Variants in DNAH12 observed in about 807,000 individuals in gnomAD.
DNAH12 encodes the protein axonemal beta dynein heavy chain 12.
DNAH12 carries 285 observed loss-of-function variants against 371.5 expected under a neutral mutation model. The ratio of observed to expected loss-of-function variants is 0.77; its 90% CI spans 0.70 to 0.85. DNAH12 has a LOEUF of 0.85. Ranked by LOEUF, DNAH12 falls within the 40% of genes least tolerant of loss-of-function variation. The pLI is 0.00. For synonymous variants in DNAH12, 1,200 were observed against 1,213.0 expected (o/e 0.99, Z 0.22); for missense variants, 3,611 against 3,689.4 (o/e 0.98, Z 0.55).
At chr3:57,401,347 C>T (rs1161209233) in intron 43 of DNAH12, among the ~76,000 whole-genome samples, 2 of 147,620 alleles carry the variant, frequency 1.4e-5, no homozygotes, top group Non-Finnish European at 3.0e-5. Flanking sequence ...CTCAGGAATT[C>T]GAGACCAGCC....
intron 36 of DNAH12, among the ~76,000 whole-genome samples, chr3:57,419,722 C>T (rs2218628): frequency 0.23 from 35,570 of 151,952 alleles, 4,817 homozygotes; most frequent in South Asian, 0.44. Context: ...CATGAAAACA[C>T]CAATTTAAAA....
At chr3:57,410,929 A>G (rs1370201019) in intron 39 of DNAH12, among the ~76,000 whole-genome samples, 7 of 152,166 alleles carry the variant, frequency 4.6e-5, no homozygotes, top group African/African-American at 1.7e-4. Context: ...ACTTAATGGT[A>G]AGAATCTCCA....
At chr3:57,467,154 A>G in intron 17 of DNAH12, among the ~76,000 whole-genome samples, 1 of 151,764 alleles carries the variant, frequency 6.6e-6, no homozygotes, top group Admixed American at 6.6e-5. Context: ...GTCTCGCTCT[A>G]TTGCCCAGAC....
In DNAH12 at chr3:57,295,513, G is replaced by A. The variant is rs182586789; in HGVS notation, c.11692+12C>T. On this transcript the variant is annotated intron_variant, in intron 73 of 73. Coordinates refer to ENST00000495027, the MANE Select transcript of DNAH12 (RefSeq NM_001366028.2). ...CTAAACTTCAAATAAATTTTGTTGAGAGAATATTTACTTGGTTTTATCCAT... is the reference window on the plus strand; with the variant it reads ...CTAAACTTCAAATAAATTTTGTTGAAAGAATATTTACTTGGTTTTATCCAT... 5.2e-6 allele frequency: 8 copies of A among 1,543,952 alleles called. No individual in the cohort carries two copies.
intron 24 of DNAH12, 57 bp from the exon 25 acceptor site, chr3:57,453,072 A>G: frequency 6.7e-7 from 1 of 1,493,712 alleles, no homozygotes; most frequent in South Asian, 1.3e-5. Context: ...TAATTTTAAA[A>G]AGAAGTATTT....
chr3:57,453,501 T>A, intron 23 of DNAH12, 98 bp from the exon 24 acceptor site: 1 of 1,091,996 alleles, frequency 9.2e-7, no homozygotes, highest in Non-Finnish European at 1.2e-6. Flanking sequence ...TCTGACTTCT[T>A]AATCTATCTC....
intron 41 of DNAH12, among the ~76,000 whole-genome samples, chr3:57,405,405 G>T (rs906487428): frequency 6.6e-6 from 1 of 152,084 alleles, no homozygotes; most frequent in Non-Finnish European, 1.5e-5. Flanking sequence ...CTAAGTGATG[G>T]TCATCATGTT....
chr3:57,444,916 CT>C, intron 28 of DNAH12, 100 bp from the exon 29 acceptor site: 1 of 1,413,430 alleles, frequency 7.1e-7, no homozygotes, highest in African/African-American at 1.5e-5. Flanking sequence ...CCCCACCCCC[CT>C]GGCTAAAAGT....
chr3:57,311,233 G>A (rs777738573), intron 66 of DNAH12, among the ~76,000 whole-genome samples: 13 of 152,008 alleles, frequency 8.6e-5, no homozygotes, highest in Non-Finnish European at 1.8e-4. Context: ...GTGCCACCAC[G>A]CCCAGCTAAT....
intron 4 of DNAH12, among the ~76,000 whole-genome samples, chr3:57,513,000 G>A (rs1402527698): frequency 2.0e-5 from 3 of 152,028 alleles, no homozygotes; most frequent in Admixed American, 6.6e-5. Flanking sequence ...TTAGCCAGGC[G>A]TGGTGGCAGG....
intron 60 of DNAH12, among the ~76,000 whole-genome samples, chr3:57,337,904 A>C (rs1350051119): frequency 1.3e-5 from 2 of 152,186 alleles, no homozygotes; most frequent in African/African-American, 4.8e-5. Flanking sequence ...AACATTTCAT[A>C]GTACTTGCAG....
intron 37 of DNAH12, among the ~76,000 whole-genome samples, chr3:57,416,039 T>A (rs1575571434): frequency 6.6e-6 from 1 of 152,166 alleles, no homozygotes; most frequent in African/African-American, 2.4e-5. Context: ...CCACCTGCCT[T>A]GGCCTCCCAA....
intron 49 of DNAH12, among the ~76,000 whole-genome samples, chr3:57,384,473 T>TA (rs1322159663): frequency 3.2e-4 from 48 of 150,632 alleles, no homozygotes; most frequent in South Asian, 2.7e-3. Context: ...CCTGTCTCTA[T>TA]AAAAAAAAAT....
intron 60 of DNAH12, among the ~76,000 whole-genome samples, chr3:57,342,178 G>A (rs1430321076): frequency 1.3e-5 from 2 of 151,960 alleles, no homozygotes; most frequent in African/African-American, 2.4e-5. Context: ...AGAAAACCTG[G>A]GGAAATGCTT....
intron 18 of DNAH12, among the ~76,000 whole-genome samples, chr3:57,462,387 G>A (rs965671506): frequency 3.7e-4 from 56 of 152,178 alleles, no homozygotes; most frequent in African/African-American, 1.2e-3. Context: ...GAGTAGCTGG[G>A]ATTACAGGCA....
intron 12 of DNAH12, among the ~76,000 whole-genome samples, chr3:57,485,381 C>T (rs1025623078): frequency 2.0e-5 from 3 of 151,586 alleles, no homozygotes; most frequent in Admixed American, 2.0e-4. Context: ...TTTGCTGTAA[C>T]TTGGATGGAG....
At chr3:57,312,085 T>C (rs1056535388) in intron 66 of DNAH12, among the ~76,000 whole-genome samples, 10 of 152,096 alleles carry the variant, frequency 6.6e-5, no homozygotes, top group Admixed American at 5.9e-4. Context: ...AAGTTGTGGG[T>C]TGAGAGCTTT....
At chr3:57,551,971 A>C in the DNAH12 span, among the ~76,000 whole-genome samples, 5 of 149,274 alleles carry the variant, frequency 3.3e-5, no homozygotes, top group East Asian at 1.0e-3. Flanking sequence ...CGGGCCAGGC[A>C]TGGTGGTTCA....
At chr3:57,409,503 A>G (rs1327826874) in intron 39 of DNAH12, among the ~76,000 whole-genome samples, 1 of 152,114 alleles carries the variant, frequency 6.6e-6, no homozygotes, top group African/African-American at 2.4e-5. Flanking sequence ...TTTACAAAAT[A>G]TTACATGTAA....
Sources: allele counts gnomAD v4.1 joint callset (sites outside exome capture counted in the v4.1 genomes callset), GRCh38; gene constraint gnomAD v4.1.1; transcripts MANE v1.5; gene names NCBI Gene and HGNC (gene_info 2026-07-23, HGNC 2026-07-21).